Variants in RASAL1 observed in about 807,000 individuals in gnomAD.
The protein encoded by RASAL1 is RAS protein activator like 1.
RASAL1 carries 72 observed loss-of-function variants against 96.6 expected under a neutral mutation model. The observed-to-expected ratio is 0.75, with a 90% CI of 0.62 to 0.91. RASAL1 has a LOEUF of 0.91. Ranked by LOEUF, RASAL1 falls within the 40% of genes least tolerant of loss-of-function variation. RASAL1 has a pLI of 0.00. For missense variants in RASAL1, 1,016 were observed against 1,072.5 expected (o/e 0.95, Z 0.74); for synonymous variants, 405 against 430.4 (o/e 0.94, Z 0.73).
In RASAL1 at chr12:113,103,966, C is replaced by T. The variant is rs761648337; in HGVS notation, c.2084G>A (p.Cys695Tyr). The change falls in exon 18 of 21, where the codon TGC (cysteine) becomes TAC (tyrosine). Residue 695 changes from cysteine (C) to tyrosine (Y), a missense_variant. By Grantham distance (194) the Cys-to-Tyr change is radical (BLOSUM62 -2). Transcript: ENST00000548055. ...CTCACCTGAGCGCTCAGCCTGGAGG[C>T]AGCAGGTCCAGCGCGCGCTGCGGAA... ...GAFRSARWTC[C>Y]LQAERSAAGC... 6.4e-7 allele frequency: 1 copy of T among 1,560,484 alleles called. No homozygotes were observed. Among genetic ancestry groups the T allele is most frequent in the Non-Finnish European group, 8.7e-7 (1 of 1,153,424 alleles).
intron 2 of RASAL1, 82 bp from the exon 3 acceptor site, chr12:113,128,260 A>G: frequency 4.1e-6 from 3 of 736,792 alleles, no homozygotes; most frequent in Non-Finnish European, 7.0e-6. Flanking sequence ...ACACACACAC[A>G]CACACACACA....
At chr12:113,134,447 T>C (rs767589003) in intron 1 of RASAL1, among the ~76,000 whole-genome samples, 1 of 152,080 alleles carries the variant, frequency 6.6e-6, no homozygotes, top group Non-Finnish European at 1.5e-5. Flanking sequence ...TCCTAACAGG[T>C]CCTCCACCCT....
Position 113,115,795 on chromosome 12 carries a change from G to A in RASAL1, c.850-7C>T. The stretch of plus-strand genomic sequence containing the variant: ...AGGGGCTAGCAGTGTCCTCCTGGGT[G>A]GGGGCGGGAGACAAAGATGACCTCG... On this transcript the variant is annotated splice_polypyrimidine_tract_variant and splice_region_variant and intron_variant, in intron 9 of 20. Coordinates refer to ENST00000548055, the MANE Select transcript of RASAL1 (RefSeq NM_001301202.2). The surrounding 1 kb of genome is among the most constrained non-coding windows in gnomAD (Gnocchi z 4.1). 1 of 1,613,790 alleles carries A rather than the reference G, an allele frequency of 6.2e-7. No homozygotes were observed. Among genetic ancestry groups the A allele is most frequent in the African/African-American group, 1.3e-5 (1 of 75,042 alleles).
rs374846261 is a variant in RASAL1 at position 113,104,089 on chromosome 12, G to A, written c.1969-8C>T. The A allele has an allele frequency of 6.4e-7, 1 of 1,574,540 alleles. No homozygotes were observed. Among genetic ancestry groups the A allele is most frequent in the African/African-American group, 1.3e-5 (1 of 74,314 alleles). ...GTTGAGCTCATTCACATTCTGCAGC[G>A]GGTGGGAGGCGATCAGGGGGCGGGT... On this transcript the variant is annotated splice_region_variant and splice_polypyrimidine_tract_variant and intron_variant, in intron 17 of 20. Transcript: ENST00000548055.
chr12:113,102,077 T>G, intron 18 of RASAL1, 68 bp from the exon 19 acceptor site: 3 of 1,561,426 alleles, frequency 1.9e-6, no homozygotes, highest in Non-Finnish European at 2.6e-6. Flanking sequence ...CAGCCAGGCA[T>G]TCGCCAAGCC....
At chr12:113,126,275 A>G (rs926088517) in intron 4 of RASAL1, among the ~76,000 whole-genome samples, 3 of 152,184 alleles carry the variant, frequency 2.0e-5, no homozygotes, top group South Asian at 2.1e-4. Context: ...ACAGAGCAAG[A>G]CTCCGTCTCA....
intron 11 of RASAL1, 68 bp from the exon 12 acceptor site, chr12:113,114,980 G>T: frequency 7.7e-7 from 1 of 1,302,830 alleles, no homozygotes; most frequent in Non-Finnish European, 1.1e-6. Flanking sequence ...TGAGCTGGGC[G>T]CAGGGGGGAC....
intron 15 of RASAL1, 139 bp downstream of exon 15, chr12:113,106,954 CAGTA>C (rs1439496854): frequency 1.0e-6 from 1 of 953,288 alleles, no homozygotes; most frequent in Non-Finnish European, 1.6e-6. Flanking sequence ...GGGCCTAGCA[CAGTA>C]AGTATCAGGA....
rs1413006292 is a variant in RASAL1, at chr12:113,128,091, G to A, written c.210C>T (p.Phe70=). 1.2e-6 allele frequency: 2 copies of A among 1,613,962 alleles called. No homozygotes were observed. The highest frequency in any genetic ancestry group is 1.7e-6 in the Non-Finnish European group (2 of 1,179,972). Residue 70 remains phenylalanine, a synonymous_variant, in exon 3 of 21, where the codon TTC becomes TTT. Transcript: ENST00000548055. ...HLPLDFHQLA[F]YVLDEDTVGH... ...CGACAGTGTCCTCATCCAGCACGTA[G>A]AAGGCCAGCTGGTGGAAATCCAGAG...
chr12:113,128,249 C>G (rs1951569630), intron 2 of RASAL1, 71 bp from the exon 3 acceptor site: 2 of 368,644 alleles, frequency 5.4e-6, no homozygotes, highest in Non-Finnish European at 9.9e-6. Context: ...GACCCAGACA[C>G]ACACACACAC....
intron 12 of RASAL1, among the ~76,000 whole-genome samples, 175 bp downstream of exon 12, chr12:113,114,625 C>T (rs1042645292): frequency 1.3e-5 from 2 of 152,238 alleles, no homozygotes; most frequent in Admixed American, 6.5e-5. Context: ...AACCCCTATA[C>T]TACACAGCCT....
intron 4 of RASAL1, among the ~76,000 whole-genome samples, chr12:113,126,613 T>C (rs1951490305): frequency 6.6e-6 from 1 of 150,904 alleles, no homozygotes; most frequent in African/African-American, 2.4e-5. Context: ...GCCAGGGAGG[T>C]TGAGACTGCA....
intron 4 of RASAL1, among the ~76,000 whole-genome samples, chr12:113,124,991 G>A (rs1259511902): frequency 2.0e-5 from 3 of 152,088 alleles, no homozygotes; most frequent in Non-Finnish European, 2.9e-5. Context: ...GCCAGGCATG[G>A]TGGCTCACAC....
Position 113,135,559 on chromosome 12 carries a change from T to C in RASAL1, c.-97A>G. ...GTCACCTGCTTCAAGCCTGGCTCCC[T>C]GCCTCGTGGTCCCAGTGCCGCCTGT... On this transcript the variant is annotated 5_prime_UTR_variant, in exon 1 of 21. Coordinates refer to ENST00000548055, the MANE Select transcript of RASAL1 (RefSeq NM_001301202.2). The surrounding 1 kb of genome is among the most constrained non-coding windows in gnomAD (Gnocchi z 5.7). The C allele has an allele frequency of 9.4e-7, 1 of 1,065,142 alleles. No homozygotes were observed. Among genetic ancestry groups the C allele is most frequent in the Non-Finnish European group, 1.4e-6 (1 of 722,254 alleles). The allele number at this position is 1,065,142 out of a possible 1,614,324, so 66.0% of individuals were successfully genotyped here. A position where few individuals can be genotyped will look rare whatever the true frequency, so the allele number is the denominator to read the frequency against.
intron 13 of RASAL1, among the ~76,000 whole-genome samples, chr12:113,108,898 G>C (rs575391305): frequency 6.8e-6 from 1 of 147,642 alleles, no homozygotes; most frequent in African/African-American, 2.5e-5. Flanking sequence ...GCAGTGGCAC[G>C]ATCTCTGCTT....
rs1951884186 is a variant in RASAL1 at position 113,135,593 on chromosome 12, C to T, written c.-131G>A. On this transcript the variant is annotated 5_prime_UTR_variant, in exon 1 of 21. Transcript: ENST00000548055. This position sits in a 1 kb window ranked among gnomAD's most constrained non-coding sequence, Gnocchi z 5.7. ...GTCCCAGTGCCGCCTGTCCGAGACC[C>T]GGGTAGCTGGATGGGAGATTTCCGA... is the stretch of plus-strand genomic sequence containing the variant. 1.3e-6 allele frequency: 1 copy of T among 755,776 alleles called. No individual in the cohort carries two copies. The highest frequency in any genetic ancestry group is 2.4e-5 in the Admixed American group (1 of 40,934). 46.8% of individuals were successfully genotyped at this position (755,776 alleles called of 1,614,324 possible).
intron 18 of RASAL1, among the ~76,000 whole-genome samples, chr12:113,103,251 TATACATTGTA>T (rs1160651829): frequency 1.3e-5 from 2 of 149,518 alleles, no homozygotes; most frequent in African/African-American, 2.4e-5. Context: ...TTTACAATGT[TATACATTGTA>T]ATACATTGTT....
At chr12:113,123,730 C>T (rs1951380926) in intron 4 of RASAL1, among the ~76,000 whole-genome samples, 1 of 152,148 alleles carries the variant, frequency 6.6e-6, no homozygotes, top group African/African-American at 2.4e-5. Flanking sequence ...ATTACAGGCA[C>T]CTGCCACCAT....
intron 4 of RASAL1, among the ~76,000 whole-genome samples, chr12:113,125,261 T>C (rs1276896814): frequency 6.6e-6 from 1 of 151,914 alleles, no homozygotes; most frequent in Non-Finnish European, 1.5e-5. Flanking sequence ...AAATATGAGA[T>C]TAAATATAGA....
Sources: allele counts gnomAD v4.1 joint callset (sites outside exome capture counted in the v4.1 genomes callset), GRCh38; gene constraint gnomAD v4.1.1; non-coding constraint Gnocchi (gnomAD v3.1); transcripts MANE v1.5; gene names NCBI Gene and HGNC (gene_info 2026-07-23, HGNC 2026-07-21).